The following USP50 variants were observed in gnomAD, a reference collection of about 807,000 sequenced individuals.
The protein encoded by USP50 is ubiquitin carboxyl-terminal hydrolase 50.
Under a neutral mutation model 39.2 loss-of-function variants are expected in USP50, and 37 were observed. The observed-to-expected ratio is 0.94, with a 90% CI of 0.73 to 1.24. The LOEUF is 1.24. USP50 is among the 50% of genes most tolerant of loss of function. The pLI, the probability that USP50 is intolerant of heterozygous loss-of-function variation, is 0.00. For missense variants in USP50, 374 were observed against 398.2 expected (o/e 0.94, Z 0.52); for synonymous variants, 139 against 144.5 (o/e 0.96, Z 0.27).
At chr15:50,536,510 G>T (rs1403237905) in intron 5 of USP50, among the ~76,000 whole-genome samples, 1 of 152,032 alleles carries the variant, frequency 6.6e-6, no homozygotes, top group African/African-American at 2.4e-5. Flanking sequence ...GTATGGTGGT[G>T]CATGCCTATA....
At chr15:50,521,186 C>T (rs1252259704) in intron 6 of USP50, among the ~76,000 whole-genome samples, 2 of 151,986 alleles carry the variant, frequency 1.3e-5, no homozygotes, top group African/African-American at 2.4e-5. Flanking sequence ...GGATTACAGG[C>T]GCCCGCCACC....
chr15:50,493,540 GC>G (rs2141322168), downstream of USP50: 11 of 512,016 alleles, frequency 2.1e-5, no homozygotes, highest in South Asian at 1.3e-4. Context: ...ATCACTTGGG[GC>G]CCAGGAGTTT....
chr15:50,494,308 A>G, intron 1 of USP50: 2 of 1,577,306 alleles, frequency 1.3e-6, no homozygotes, highest in Middle Eastern at 4.1e-4. Flanking sequence ...TCTAAGTTGC[A>G]GAGACTCTTT....
downstream of USP50, chr15:50,498,564 T>TGTCA (rs138464113): frequency 4.4e-4 from 697 of 1,573,584 alleles, 3 homozygotes; most frequent in African/African-American, 8.2e-3. Context: ...TATCTTCCTC[T>TGTCA]GTCAGTGTAA....
chr15:50,498,833 G>A (rs1566895601), downstream of USP50: 23 of 1,547,182 alleles, frequency 1.5e-5, no homozygotes, highest in Non-Finnish European at 1.9e-5. Flanking sequence ...ATAAAGCTTT[G>A]AAACTATTGG....
intron 5 of USP50, among the ~76,000 whole-genome samples, chr15:50,535,353 A>T (rs1410546751): frequency 1.3e-5 from 2 of 152,188 alleles, no homozygotes; most frequent in Non-Finnish European, 2.9e-5. Context: ...CAACAGCAGA[A>T]TATATATTAT....
intron 6 of USP50, among the ~76,000 whole-genome samples, chr15:50,515,700 TAAAG>T (rs2052797235): frequency 1.3e-5 from 2 of 151,418 alleles, no homozygotes; most frequent in Non-Finnish European, 2.9e-5. Context: ...AAAACAAAAT[TAAAG>T]AATAAATCAG....
At position 50,494,155 on chromosome 15, in the gene USP50, A is replaced by G. The variant is rs774465850; in HGVS notation, n.185-25T>C. On this transcript the variant is annotated intron_variant and non_coding_transcript_variant, in intron 1 of 1. Transcript: ENST00000560159. The stretch of plus-strand genomic sequence containing the variant: ...CCTGTGGACAGGACAGTATAGATAT[A>G]TCAGTCCAAAGGACTTTAAAATCAC... 7 of 1,613,102 alleles carry G rather than the reference A, an allele frequency of 4.3e-6. No individual in the cohort carries two copies. In the South Asian group the frequency reaches 5.5e-5, roughly 13 times the overall value.
intron 1 of USP50, among the ~76,000 whole-genome samples, chr15:50,495,319 CATATATACACAT>C (rs892180024): frequency 4.4e-5 from 1 of 22,676 alleles, no homozygotes; most frequent in African/African-American, 2.6e-4. Flanking sequence ...TATATACATA[CATATATACACAT>C]ATATATACAC....
intron 6 of USP50, chr15:50,501,689 A>G (rs962328320): frequency 6.6e-6 from 1 of 152,154 alleles, no homozygotes; most frequent in African/African-American, 2.4e-5. Context: ...TTCCTAACCC[A>G]GTATTGTTTG....
intron 6 of USP50, chr15:50,501,056 G>T: frequency 2.1e-6 from 1 of 480,598 alleles, no homozygotes; most frequent in South Asian, 2.5e-5. Flanking sequence ...TATCATCTGT[G>T]AATAAAGAAA....
chr15:50,531,965 C>A (rs998567333), intron 5 of USP50: 2 of 360,002 alleles, frequency 5.6e-6, no homozygotes, highest in Non-Finnish European at 1.1e-5. Flanking sequence ...CCACTGCCCC[C>A]AAAACTGGAA....
At chr15:50,493,970 A>G, downstream of USP50, 2 of 1,295,134 alleles carry the variant, frequency 1.5e-6, no homozygotes, top group Non-Finnish European at 2.2e-6. Flanking sequence ...GTAGTGCTAC[A>G]GTATGTGAAT....
intron 1 of USP50, 138 bp downstream of exon 1, chr15:50,546,334 CT>C: frequency 2.6e-6 from 2 of 762,332 alleles, no homozygotes; most frequent in Non-Finnish European, 4.4e-6. Flanking sequence ...TAGGTACAAT[CT>C]TCCTTCCTTT....
intron 6 of USP50, among the ~76,000 whole-genome samples, chr15:50,520,039 T>C (rs1201079581): frequency 6.6e-6 from 1 of 151,986 alleles, no homozygotes; most frequent in East Asian, 1.9e-4. Flanking sequence ...AGTAGCTGCT[T>C]GTGCCTGTAA....
intron 6 of USP50, among the ~76,000 whole-genome samples, chr15:50,523,612 G>A (rs562893289): frequency 2.6e-5 from 4 of 152,260 alleles, no homozygotes; most frequent in South Asian, 2.1e-4. Flanking sequence ...AAGACTATAC[G>A]TATTGAAGAA....
intron 6 of USP50, among the ~76,000 whole-genome samples, chr15:50,525,574 ATATGTATATATGTATATGTATATATG>A (rs2052884901): frequency 7.2e-6 from 1 of 139,592 alleles, no homozygotes; most frequent in Non-Finnish European, 1.5e-5. Flanking sequence ...GTATATATGT[ATATGTATATATGTATATGTATATATG>A]TATATGTATA....
intron 5 of USP50, among the ~76,000 whole-genome samples, chr15:50,531,406 C>T (rs946363858): frequency 3.7e-4 from 56 of 152,168 alleles, no homozygotes; most frequent in African/African-American, 1.2e-3. Flanking sequence ...TACTAATGCA[C>T]GCAACAACAC....
At chr15:50,506,390 C>G (rs1320988773) in intron 6 of USP50, 1 of 152,176 alleles carries the variant, frequency 6.6e-6, no homozygotes, top group Non-Finnish European at 1.5e-5. Flanking sequence ...TTGCGTGCTC[C>G]TTATGAGAAT....
Sources: allele counts gnomAD v4.1 joint callset (sites outside exome capture counted in the v4.1 genomes callset), GRCh38; gene constraint gnomAD v4.1.1; transcripts MANE v1.5; gene names NCBI Gene and HGNC (gene_info 2026-07-23, HGNC 2026-07-21).